Variants in MORC1 observed in about 807,000 individuals in gnomAD.
MORC1 encodes the protein MORC family CW-type zinc finger 1.
In MORC1, 59 loss-of-function variants were observed where a neutral mutation model predicts 134.9. The ratio of observed to expected loss-of-function variants is 0.44; its 90% confidence interval spans 0.35 to 0.54. The LOEUF (loss-of-function observed/expected upper bound fraction) is 0.54, where lower values mean the gene tolerates loss of function less well. Among genes scored for constraint, MORC1 ranks in the 20% least tolerant of loss-of-function variants. MORC1 has a pLI of 0.00. For missense variants in MORC1, 947 were observed against 1,134.5 expected (o/e 0.83, Z 2.37); for synonymous variants, 395 against 391.7 (o/e 1.01, Z -0.10).
At chr3:108,993,876 C>T (rs1266183173) in intron 21 of MORC1, among the ~76,000 whole-genome samples, 1 of 152,148 alleles carries the variant, frequency 6.6e-6, no homozygotes, top group Non-Finnish European at 1.5e-5. Flanking sequence ...ATGCCAAACA[C>T]AGTACTTATA....
intron 8 of MORC1, 98 bp from the exon 9 acceptor site, chr3:109,069,855 T>TAC: frequency 1.6e-6 from 2 of 1,252,946 alleles, no homozygotes; most frequent in Non-Finnish European, 2.1e-6. Flanking sequence ...TTATTGTTAC[T>TAC]ACAAGAAGCT....
chr3:109,053,996 A>G (rs1027394720), intron 14 of MORC1, among the ~76,000 whole-genome samples: 4 of 152,136 alleles, frequency 2.6e-5, no homozygotes, highest in African/African-American at 7.2e-5. Flanking sequence ...AAAGTCTAAC[A>G]TATCTGCCCA....
chr3:109,040,480 GAAAGA>G lies in MORC1; in HGVS notation c.1331-5017_1331-5013del, dbSNP rs1559912823. Among the ~76,000 whole-genome samples, 172 of 145,134 alleles carry G rather than the reference GAAAGA, an allele frequency of 1.2e-3. 9 individuals are homozygous for G. The highest frequency in any genetic ancestry group is 4.2e-3 in the African/African-American group (160 of 38,418). ...AGAAAGAAAGAAAGAAAGAAAGAAA[GAAAGA>G]AAGGAAAGAAAAGAAAGGAAGGAAG... On this transcript the variant is annotated intron_variant, in intron 14 of 27. Coordinates refer to ENST00000232603, the MANE Select transcript of MORC1 (RefSeq NM_014429.4).
At chr3:109,103,989 A>G (rs1010781778) in intron 3 of MORC1, 72 bp from the exon 4 acceptor site, 4 of 1,356,402 alleles carry the variant, frequency 2.9e-6, no homozygotes, top group Non-Finnish European at 4.2e-6. Context: ...TGCTGCTAGA[A>G]TAATTATTCG....
chr3:108,982,454 T>C (rs1211215906), intron 23 of MORC1, among the ~76,000 whole-genome samples: 3 of 151,980 alleles, frequency 2.0e-5, no homozygotes, highest in African/African-American at 7.3e-5. Context: ...AATGCACACG[T>C]ATGTTTATTG....
At chr3:109,001,291 C>T (rs1198380505) in intron 20 of MORC1, among the ~76,000 whole-genome samples, 1 of 152,138 alleles carries the variant, frequency 6.6e-6, no homozygotes, top group African/African-American at 2.4e-5. Context: ...CACCACCACG[C>T]CTGGGAAATT....
chr3:109,006,931 A>T (rs1467523446), intron 18 of MORC1, 98 bp downstream of exon 18: 8 of 852,228 alleles, frequency 9.4e-6, no homozygotes, highest in Non-Finnish European at 1.4e-5. Flanking sequence ...CACTATGTGA[A>T]CCTCATAAAC....
At chr3:108,967,597 T>C (rs1248758460) in intron 26 of MORC1, among the ~76,000 whole-genome samples, 1 of 152,118 alleles carries the variant, frequency 6.6e-6, no homozygotes, top group African/African-American at 2.4e-5. Context: ...TTAAAAATAA[T>C]TTTTCTACAC....
At chr3:109,111,493 TA>T (rs147821955) in intron 2 of MORC1, among the ~76,000 whole-genome samples, 2,511 of 152,164 alleles carry the variant, frequency 0.017, 69 homozygotes, top group African/African-American at 0.057. Flanking sequence ...AAGACTGTTT[TA>T]AAAAAAATTC....
At position 109,070,993 on chromosome 3, in the gene MORC1, T is replaced by C. The variant is rs60640525; in HGVS notation, c.690-1236A>G. On this transcript the variant is annotated intron_variant, in intron 8 of 27. Coordinates refer to ENST00000232603, the MANE Select transcript of MORC1 (RefSeq NM_014429.4). Reference sequence around the variant, plus strand: ...TCCCTAAATATTAATACTAGTGTATTTTTTAATGTAACAAGATAGGCTGTC... The same window carrying C: ...TCCCTAAATATTAATACTAGTGTATCTTTTAATGTAACAAGATAGGCTGTC... Among the ~76,000 whole-genome samples, 1,124 of 152,324 alleles carry C rather than the reference T, an allele frequency of 7.4e-3. 9 individuals carry two copies. Among genetic ancestry groups the C allele is most frequent in the African/African-American group, 0.016 (667 of 41,560 alleles).
chr3:109,019,863 A>G (rs1315256018), intron 17 of MORC1, among the ~76,000 whole-genome samples: 1 of 152,226 alleles, frequency 6.6e-6, no homozygotes, highest in Non-Finnish European at 1.5e-5. Flanking sequence ...AGAATTCACC[A>G]AAAGTATAGA....
intron 11 of MORC1, among the ~76,000 whole-genome samples, chr3:109,060,335 A>T (rs560778159): frequency 6.6e-6 from 1 of 151,714 alleles, no homozygotes; most frequent in African/African-American, 2.4e-5. Flanking sequence ...CGAATTCTGG[A>T]TACCTCTAAT....
chr3:109,074,175 C>T (rs1950374196), intron 8 of MORC1, among the ~76,000 whole-genome samples: 1 of 152,170 alleles, frequency 6.6e-6, no homozygotes, highest in South Asian at 2.1e-4. Context: ...TATATCATCA[C>T]TCTCAGAGCT....
intron 4 of MORC1, among the ~76,000 whole-genome samples, chr3:109,103,108 C>T (rs1415306438): frequency 6.6e-6 from 1 of 152,142 alleles, no homozygotes; most frequent in Admixed American, 6.5e-5. Context: ...GTGGAACTGA[C>T]CATGGCAGTT....
chr3:109,002,301 A>G (rs6770530), intron 20 of MORC1, among the ~76,000 whole-genome samples: 51,439 of 152,128 alleles, frequency 0.34, 10,534 homozygotes, highest in East Asian at 0.81. Flanking sequence ...CTTTACTCAC[A>G]TAGAGAAGAG....
At chr3:109,015,411 T>C (rs1484610621) in intron 17 of MORC1, among the ~76,000 whole-genome samples, 4 of 152,190 alleles carry the variant, frequency 2.6e-5, no homozygotes, top group Admixed American at 2.0e-4. Context: ...TTTAGTAAAG[T>C]GCACCATATC....
chr3:109,086,651 T>C (rs1259098702), intron 8 of MORC1, among the ~76,000 whole-genome samples: 1 of 152,022 alleles, frequency 6.6e-6, no homozygotes, highest in East Asian at 1.9e-4. Context: ...ACAATTTAAG[T>C]ATAAAGACTG....
At position 109,005,326 on chromosome 3, in the gene MORC1, A is replaced by G. The variant is rs1409172674; in HGVS notation, c.1768-11T>C. 2.5e-6 allele frequency: 4 copies of G among 1,574,828 alleles called. No homozygotes were observed. Among genetic ancestry groups the G allele is most frequent in the Non-Finnish European group, 3.4e-6 (4 of 1,166,880 alleles). ...GGTTTTGGTATTTTCCTTAAATAAC[A>G]AAGAACATGTTTTTATTTTTTGGTA... On this transcript the variant is annotated splice_polypyrimidine_tract_variant and intron_variant, in intron 18 of 27. Transcript: ENST00000232603.
chr3:109,000,721 C>G, intron 20 of MORC1, 63 bp from the exon 21 acceptor site: 1 of 1,181,346 alleles, frequency 8.5e-7, no homozygotes, highest in Non-Finnish European at 1.2e-6. Flanking sequence ...ACATACTAAA[C>G]TACCTTCACT....
Sources: allele counts gnomAD v4.1 joint callset (sites outside exome capture counted in the v4.1 genomes callset), GRCh38; gene constraint gnomAD v4.1.1; transcripts MANE v1.5; gene names NCBI Gene and HGNC (gene_info 2026-07-23, HGNC 2026-07-21).